Variants in SLC36A1 observed in about 807,000 individuals in gnomAD.
The protein encoded by SLC36A1 is proton-coupled amino acid transporter 1.
Under a neutral mutation model 47.5 loss-of-function variants are expected in SLC36A1, and 30 were observed. That is an observed-to-expected ratio of 0.63 (90% CI 0.47 to 0.86). The LOEUF (loss-of-function observed/expected upper bound fraction) is 0.86, where lower values mean the gene tolerates loss of function less well. Ranked by LOEUF, SLC36A1 falls within the 40% of genes least tolerant of loss-of-function variation. SLC36A1 has a pLI of 0.00. For missense variants in SLC36A1, 517 were observed against 606.0 expected (o/e 0.85, Z 1.54); for synonymous variants, 255 against 249.7 (o/e 1.02, Z -0.20).
At chr5:151,462,643 A>G (rs1424011396) in intron 2 of SLC36A1, among the ~76,000 whole-genome samples, 1 of 151,084 alleles carries the variant, frequency 6.6e-6, no homozygotes, top group Non-Finnish European at 1.5e-5. Flanking sequence ...GATTACAGGC[A>G]TGAGCCACTG....
intron 1 of SLC36A1, among the ~76,000 whole-genome samples, chr5:151,440,159 G>A (rs1371616335): frequency 6.6e-6 from 1 of 152,102 alleles, no homozygotes; most frequent in Non-Finnish European, 1.5e-5. Flanking sequence ...AGTGTAGCAT[G>A]CTTTACAGTG....
chr5:151,447,219 A>G (rs1319296296), upstream of SLC36A1, among the ~76,000 whole-genome samples: 1 of 152,250 alleles, frequency 6.6e-6, no homozygotes, highest in African/African-American at 2.4e-5. Flanking sequence ...TCCAGTAGCA[A>G]CCACAGATGA....
chr5:151,398,159 G>C, the SLC36A1 span, among the ~76,000 whole-genome samples: 64,609 of 151,966 alleles, frequency 0.43, 14,122 homozygotes, highest in African/African-American at 0.54. Context: ...ATTAACTGAC[G>C]CAGCAACCAT....
chr5:151,429,156 T>C, the SLC36A1 span, among the ~76,000 whole-genome samples: 1 of 152,224 alleles, frequency 6.6e-6, no homozygotes, highest in Non-Finnish European at 1.5e-5. Context: ...GCAGTGGATA[T>C]TCTTCTCAGC....
chr5:151,492,918 T>A (rs1429791397), downstream of SLC36A1, among the ~76,000 whole-genome samples: 1 of 152,200 alleles, frequency 6.6e-6, no homozygotes, highest in Non-Finnish European at 1.5e-5. Context: ...AGGCCTGCCC[T>A]ATGACTCGCA....
the SLC36A1 span, among the ~76,000 whole-genome samples, chr5:151,359,705 A>T: frequency 1.2e-4 from 19 of 152,226 alleles, no homozygotes; most frequent in East Asian, 3.5e-3. Flanking sequence ...GCCTCTATAA[A>T]TTTGCCTTTT....
chr5:151,496,284 C>A (rs776270384), downstream of SLC36A1, among the ~76,000 whole-genome samples: 20 of 152,166 alleles, frequency 1.3e-4, no homozygotes, highest in African/African-American at 4.3e-4. Flanking sequence ...TGCCTTCCGC[C>A]GCGATTGTGA....
chr5:151,484,744 T>C (rs555836080), intron 10 of SLC36A1, among the ~76,000 whole-genome samples: 1 of 152,324 alleles, frequency 6.6e-6, no homozygotes, highest in South Asian at 2.1e-4. Flanking sequence ...AGTGATATCG[T>C]TTGACCATCC....
the SLC36A1 span, among the ~76,000 whole-genome samples, chr5:151,535,257 G>A: frequency 1.3e-5 from 2 of 151,928 alleles, no homozygotes; most frequent in Non-Finnish European, 2.9e-5. Flanking sequence ...TGTTGGGTGT[G>A]TTATGTTAGG....
At chr5:151,549,816 G>A in the SLC36A1 span, among the ~76,000 whole-genome samples, 1 of 152,108 alleles carries the variant, frequency 6.6e-6, no homozygotes, top group African/African-American at 2.4e-5. Flanking sequence ...ATGTTAACAT[G>A]TCATGCAGGA....
chr5:151,523,754 A>T, the SLC36A1 span, among the ~76,000 whole-genome samples: 10 of 152,208 alleles, frequency 6.6e-5, no homozygotes, highest in Admixed American at 3.3e-4. Context: ...TGCCAACTCC[A>T]ATTCCCAGCT....
chr5:151,504,379 G>A, the SLC36A1 span: 49 of 152,656 alleles, frequency 3.2e-4, no homozygotes, highest in African/African-American at 1.1e-3. Flanking sequence ...GAGGCTTCTG[G>A]TCCCCACCAC....
the SLC36A1 span, among the ~76,000 whole-genome samples, chr5:151,404,169 T>C: frequency 1.3e-5 from 2 of 152,224 alleles, no homozygotes; most frequent in African/African-American, 4.8e-5. Context: ...TATGTAATTC[T>C]CTTCTTTGCC....
In SLC36A1 at chr5:151,492,201, G is replaced by A. The variant is rs966717592; in HGVS notation, c.*3947G>A. Reference sequence around the variant, plus strand: ...GTGAAGAAAAATCAACCAATCTGTAGGTGTTGATAACTAGACAGTACTGTG... The same window carrying A: ...GTGAAGAAAAATCAACCAATCTGTAAGTGTTGATAACTAGACAGTACTGTG... On this transcript the variant is annotated 3_prime_UTR_variant, in exon 11 of 11. Transcript: ENST00000243389. 1 of 152,154 alleles carries A rather than the reference G, an allele frequency of 6.6e-6. No individual in the cohort carries two copies. The highest frequency in any genetic ancestry group is 1.5e-5 in the Non-Finnish European group (1 of 68,040). The allele number at this position is 152,154 out of a possible 1,614,324, so 9.4% of individuals were successfully genotyped here.
intron 9 of SLC36A1, chr5:151,476,988 A>G: frequency 1.5e-6 from 1 of 657,626 alleles, no homozygotes; most frequent in Non-Finnish European, 2.8e-6. Context: ...TGGGTAAGCC[A>G]TTTCTCCTTG....
At position 151,459,055 on chromosome 5, in the gene SLC36A1, A is replaced by C. The variant is rs1258847767; in HGVS notation, c.143+120A>C. ...CTTTACAGATGAAGGTCAGCAGTGA[A>C]GAGATTGGGCGAGTGACTGCGCTGA... On this transcript the variant is annotated intron_variant, in intron 2 of 10. Coordinates refer to ENST00000243389, the MANE Select transcript of SLC36A1 (RefSeq NM_078483.4). 6.9e-6 allele frequency: 8 copies of C among 1,152,722 alleles called. No homozygotes were observed. In the African/African-American group the frequency reaches 1.2e-4, roughly 18 times the overall value. 71.4% of individuals were successfully genotyped at this position (1,152,722 alleles called of 1,614,324 possible).
chr5:151,545,481 G>T, the SLC36A1 span: 1 of 1,614,142 alleles, frequency 6.2e-7, no homozygotes, highest in Non-Finnish European at 8.5e-7. Context: ...GGATAGGCCC[G>T]ACTATTGCTA....
At chr5:151,467,364 A>AT (rs1419296519) in intron 6 of SLC36A1, 81 bp downstream of exon 6, 2 of 1,009,602 alleles carry the variant, frequency 2.0e-6, no homozygotes, top group Non-Finnish European at 1.5e-6. Flanking sequence ...TTTGTTTAGG[A>AT]TTTTTTCCAA....
chr5:151,507,416 G>T, the SLC36A1 span: 3 of 1,614,190 alleles, frequency 1.9e-6, no homozygotes, highest in Non-Finnish European at 2.5e-6. Flanking sequence ...TGGCCAGGAG[G>T]TCTGGGTCCT....
Sources: gnomAD v4.1 joint callset for allele counts (sites outside exome capture counted in the v4.1 genomes callset) on GRCh38, gnomAD v4.1.1 for gene constraint, MANE v1.5 for transcripts, NCBI Gene and HGNC (gene_info 2026-07-23, HGNC 2026-07-21) for gene names.